Variants in MAP3K15 observed in about 807,000 individuals in gnomAD.
MAP3K15 encodes the protein mitogen-activated protein kinase kinase kinase 15.
A neutral mutation model predicts 99.5 loss-of-function variants in MAP3K15; 124 were observed. That is an observed-to-expected ratio of 1.25 (90% CI 1.08 to 1.45). MAP3K15 has a LOEUF of 1.45. Among genes scored for constraint, MAP3K15 ranks in the 40% most tolerant of loss-of-function variants. The pLI is 0.00. For missense variants in MAP3K15, 1,242 were observed against 1,079.7 expected (o/e 1.15, Z -2.11); for synonymous variants, 494 against 439.6 (o/e 1.12, Z -1.55).
chrX:19,453,415 G>A (rs959723067), intron 6 of MAP3K15, among the ~76,000 whole-genome samples: 4 of 108,782 alleles, frequency 3.7e-5, no homozygotes, highest in East Asian at 2.9e-4. Context: ...CAGCAGAATC[G>A]CTTGAACCCG....
intron 1 of MAP3K15, among the ~76,000 whole-genome samples, chrX:19,495,466 C>T (rs761181071): frequency 9.0e-6 from 1 of 111,352 alleles, no homozygotes; most frequent in East Asian, 2.8e-4. Context: ...GGAGGGGAGG[C>T]GTGAGGACAT....
chrX:19,434,776 C>T (rs914069678), intron 6 of MAP3K15, among the ~76,000 whole-genome samples: 11 of 111,859 alleles, frequency 9.8e-5, no homozygotes, highest in African/African-American at 3.6e-4. Context: ...TCACTTCATA[C>T]AATAGATGCC....
intron 9 of MAP3K15, among the ~76,000 whole-genome samples, chrX:19,419,867 T>A (rs922754056): frequency 2.7e-5 from 3 of 111,781 alleles, no homozygotes; most frequent in Admixed American, 9.6e-5. Flanking sequence ...ATCAAACTAG[T>A]ACTCATGATT....
In MAP3K15 at chrX:19,398,220, A is replaced by T. The variant is rs772633150; in HGVS notation, c.2066+6T>A. The stretch of plus-strand genomic sequence containing the variant: ...CCCGAAATGCGGAAGGCCCGCCTGG[A>T]CTTGCCTGCTATCTCTCTCCGGGAT... On this transcript the variant is annotated splice_donor_region_variant and intron_variant, in intron 15 of 28. Transcript: ENST00000338883. The T allele has an allele frequency of 2.2e-5, 27 of 1,209,602 alleles. No homozygotes were observed. The East Asian group carries it at 7.7e-4, about 34-fold the overall frequency.
At chrX:19,412,784 G>A (rs181988984) in intron 11 of MAP3K15, among the ~76,000 whole-genome samples, 2 of 110,711 alleles carry the variant, frequency 1.8e-5, no homozygotes, top group African/African-American at 6.6e-5. Flanking sequence ...GCCCAGGCTC[G>A]AGTGCAGTGG....
intron 1 of MAP3K15, chrX:19,496,903 T>C (rs1286643694): frequency 9.0e-6 from 1 of 110,856 alleles, no homozygotes; most frequent in Non-Finnish European, 1.9e-5. Flanking sequence ...CAGCAGTATC[T>C]GTCCCCATAG....
chrX:19,480,791 G>C (rs1472236239), intron 3 of MAP3K15, among the ~76,000 whole-genome samples: 1 of 104,653 alleles, frequency 9.6e-6, no homozygotes, highest in Non-Finnish European at 2.0e-5. Context: ...GTGCACTCCA[G>C]CCTGGGCTGG....
At chrX:19,362,879 T>C (rs1431311189) in intron 25 of MAP3K15, 29 bp from the exon 26 acceptor site, 2 of 754,788 alleles carry the variant, frequency 2.6e-6, no homozygotes, top group Non-Finnish European at 4.0e-6. Flanking sequence ...AAAAAAGCCA[T>C]TATCCAGAGA....
At chrX:19,366,678 C>T (rs1409181588) in intron 25 of MAP3K15, among the ~76,000 whole-genome samples, 1 of 111,929 alleles carries the variant, frequency 8.9e-6, no homozygotes, top group Admixed American at 9.5e-5. Flanking sequence ...TGAGGCCTCC[C>T]CAGCCTCGTG....
chrX:19,506,429 A>C (rs2064477887), intron 1 of MAP3K15, among the ~76,000 whole-genome samples: 1 of 111,651 alleles, frequency 9.0e-6, no homozygotes, highest in Non-Finnish European at 1.9e-5. Flanking sequence ...CCCCACAATG[A>C]CTCTTGTATA....
chrX:19,507,610 A>AAAG (rs2064487550), intron 1 of MAP3K15, among the ~76,000 whole-genome samples: 2 of 90,715 alleles, frequency 2.2e-5, no homozygotes, highest in African/African-American at 8.1e-5. Context: ...AAAAAAAAAA[A>AAAG]GAACAACTAA....
intron 1 of MAP3K15, among the ~76,000 whole-genome samples, chrX:19,513,307 C>T (rs777121908): frequency 8.9e-6 from 1 of 112,057 alleles, no homozygotes; most frequent in African/African-American, 3.2e-5. Context: ...AGAGGTGGCA[C>T]CAGCAGGAAG....
At chrX:19,456,784 A>T (rs977838397) in intron 6 of MAP3K15, 129 bp downstream of exon 6, 35 of 456,526 alleles carry the variant, frequency 7.7e-5, no homozygotes, top group Non-Finnish European at 1.3e-4. Flanking sequence ...CAAAGACTGG[A>T]CCTTGTCCAT....
chrX:19,453,479 G>A (rs1338736403), intron 6 of MAP3K15, among the ~76,000 whole-genome samples: 1 of 106,368 alleles, frequency 9.4e-6, no homozygotes, highest in Non-Finnish European at 1.9e-5. Context: ...CAGCCTGGGC[G>A]ACAGAGTGAG....
intron 3 of MAP3K15, among the ~76,000 whole-genome samples, chrX:19,484,368 C>G (rs1010354988): frequency 8.9e-6 from 1 of 112,010 alleles, no homozygotes; most frequent in Non-Finnish European, 1.9e-5. Flanking sequence ...CATCCTGAAA[C>G]CATCCCCCAC....
intron 6 of MAP3K15, among the ~76,000 whole-genome samples, chrX:19,437,540 C>T (rs780495452): frequency 1.2e-4 from 13 of 111,986 alleles, no homozygotes; most frequent in Admixed American, 1.1e-3. Context: ...GTTCCCTTGC[C>T]TCTTTCTGAT....
At chrX:19,400,821 G>A (rs1485119242) in intron 13 of MAP3K15, among the ~76,000 whole-genome samples, 158 bp from the exon 14 acceptor site, 1 of 111,666 alleles carries the variant, frequency 9.0e-6, no homozygotes, top group Non-Finnish European at 1.9e-5. Flanking sequence ...TACTTTAGTG[G>A]TTATCAAATC....
In MAP3K15 at chrX:19,374,623, G is replaced by C. The variant is rs144072326; in HGVS notation, c.2627C>G (p.Ala876Gly). Residue 876 changes from alanine to glycine, a missense_variant, in exon 20 of 29, where the codon GCC becomes GGC. Coordinates refer to ENST00000338883, the MANE Select transcript of MAP3K15 (RefSeq NM_001001671.4). ...GAAGGCTCGGGCTTCAGCTGAAAGG[G>C]CTTCTGGAATCTCAGGGTGGATCTT... ...MFKIHPEIPE[A>G]LSAEARAFIL... 715 of 1,209,560 alleles carry C rather than the reference G, an allele frequency of 5.9e-4. 2 individuals are homozygous for C. In the African/African-American group the frequency reaches 0.011, roughly 19 times the overall value.
chrX:19,457,454 A>C (rs2064101681), intron 5 of MAP3K15, among the ~76,000 whole-genome samples: 2 of 110,998 alleles, frequency 1.8e-5, no homozygotes, highest in African/African-American at 6.6e-5. Flanking sequence ...TCTACTAAAA[A>C]TACAAAATAT....
Sources: gnomAD v4.1 joint callset for allele counts (sites outside exome capture counted in the v4.1 genomes callset) on GRCh38, gnomAD v4.1.1 for gene constraint, MANE v1.5 for transcripts, NCBI Gene and HGNC (gene_info 2026-07-23, HGNC 2026-07-21) for gene names.